SENP2: variants seen among roughly 807,000 people sequenced by gnomAD.
The protein encoded by SENP2 is SUMO specific peptidase 2.
A neutral mutation model predicts 86.3 loss-of-function variants in SENP2; 16 were observed. The ratio of observed to expected loss-of-function variants is 0.19; its 90% CI spans 0.13 to 0.28. The LOEUF is 0.28. Ranked by LOEUF, SENP2 falls within the 10% of genes least tolerant of loss-of-function variation. The pLI is 1.00. For synonymous variants in SENP2, 222 were observed against 238.7 expected, an observed-to-expected ratio of 0.93 and a Z score of 0.64; for missense variants, 552 against 703.0, an observed-to-expected ratio of 0.79 and a Z score of 2.43.
chr3:185,586,556 C>T lies in SENP2; in HGVS notation c.101+42C>T. On this transcript the variant is annotated intron_variant, in intron 1 of 16. Transcript: ENST00000296257. This position sits in a 1 kb window ranked among gnomAD's most constrained non-coding sequence, Gnocchi z 4.3. ...CTGAGCGCCAGCCTGGCCTTACCCC[C>T]TCCCCCACAGCGGGCTCCTCGGCCG... 2 of 1,567,562 alleles carry T rather than the reference C, an allele frequency of 1.3e-6. No homozygotes were observed. The highest frequency in any genetic ancestry group is 1.3e-5 in the African/African-American group (1 of 74,224).
At chr3:185,626,645 T>C (rs1016357020) in intron 16 of SENP2, among the ~76,000 whole-genome samples, 1 of 151,482 alleles carries the variant, frequency 6.6e-6, no homozygotes, top group Admixed American at 6.6e-5. Context: ...TGGTGGTGCA[T>C]GCCTATAATC....
chr3:185,629,564 A>G lies in SENP2; in HGVS notation c.1708-218A>G, dbSNP rs1309388821. ...GCACTCCAGCCTGGGTGACACAGCA[A>G]GACTCCATCTCAAAAAAAAAAAAAA... On this transcript the variant is annotated intron_variant, in intron 16 of 16. Coordinates refer to ENST00000296257, the MANE Select transcript of SENP2 (RefSeq NM_021627.3). Among the ~76,000 whole-genome samples, 4 of 148,646 alleles carry G rather than the reference A, an allele frequency of 2.7e-5. No individual in the cohort carries two copies. In the Admixed American group the frequency reaches 2.7e-4, roughly 10 times the overall value.
chr3:185,589,755 A>G (rs899385281), intron 1 of SENP2, among the ~76,000 whole-genome samples: 2 of 152,142 alleles, frequency 1.3e-5, no homozygotes, highest in Non-Finnish European at 2.9e-5. Flanking sequence ...CTGCAGCCTT[A>G]CTTCCTGGGC....
At chr3:185,591,379 T>C (rs977198856) in intron 2 of SENP2, among the ~76,000 whole-genome samples, 3 of 151,882 alleles carry the variant, frequency 2.0e-5, no homozygotes, top group Non-Finnish European at 2.9e-5. Context: ...TGAGATGGAG[T>C]CTCGCTCTGT....
chr3:185,607,570 TC>T (rs1722559268), intron 6 of SENP2, among the ~76,000 whole-genome samples: 1 of 152,186 alleles, frequency 6.6e-6, no homozygotes, highest in African/African-American at 2.4e-5. Context: ...CCTCAGGTGA[TC>T]CACCTACCTC....
At chr3:185,625,469 T>A (rs1260779332) in intron 15 of SENP2, among the ~76,000 whole-genome samples, 3 of 152,084 alleles carry the variant, frequency 2.0e-5, no homozygotes, top group African/African-American at 7.2e-5. Flanking sequence ...AATTGAGCTA[T>A]TGTCATCTAG....
At chr3:185,606,309 C>T (rs1339433184) in intron 5 of SENP2, 21 bp from the exon 6 acceptor site, 3 of 1,541,744 alleles carry the variant, frequency 1.9e-6, no homozygotes, top group East Asian at 2.3e-5. Flanking sequence ...TACTTTTTTT[C>T]TTTTTTTTTC....
chr3:185,617,409 C>G (rs1229115169), intron 11 of SENP2, 71 bp from the exon 12 acceptor site: 11 of 1,387,404 alleles, frequency 7.9e-6, no homozygotes, highest in Non-Finnish European at 1.1e-5. Context: ...TTTTTTCAGT[C>G]TCGGAGTTTT....
Position 185,631,991 on chromosome 3 carries a change from A to G in SENP2, c.*2147A>G, listed in dbSNP as rs953208440. 1 of 151,902 alleles carries G rather than the reference A, an allele frequency of 6.6e-6. No individual in the cohort carries two copies. Among genetic ancestry groups the G allele is most frequent in the East Asian group, 2.0e-4 (1 of 5,046 alleles). 9.4% of individuals were successfully genotyped at this position (151,902 alleles called of 1,614,324 possible). ...TGGGAAGAGCAGAGTGTTGAAGTCT[A>G]TAGCATGGCCTTCTGCTTGACCCTG... On this transcript the variant is annotated 3_prime_UTR_variant, in exon 17 of 17. Coordinates refer to ENST00000296257, the MANE Select transcript of SENP2 (RefSeq NM_021627.3).
chr3:185,621,044 C>T (rs893171248), intron 13 of SENP2, among the ~76,000 whole-genome samples: 1 of 149,592 alleles, frequency 6.7e-6, no homozygotes, highest in Non-Finnish European at 1.5e-5. Context: ...TGGTGGTGCA[C>T]ACCTGTGAGA....
intron 2 of SENP2, among the ~76,000 whole-genome samples, chr3:185,598,172 G>A (rs1282491378): frequency 6.6e-6 from 1 of 151,158 alleles, no homozygotes; most frequent in African/African-American, 2.4e-5. Flanking sequence ...GATACCATCC[G>A]CAGCTAATTT....
chr3:185,588,570 A>G (rs768110343), intron 1 of SENP2, among the ~76,000 whole-genome samples: 3 of 152,210 alleles, frequency 2.0e-5, no homozygotes, highest in Non-Finnish European at 2.9e-5. Flanking sequence ...TGAGAGAACA[A>G]GATGTCTAAT....
chr3:185,618,814 G>C (rs1339549538), intron 12 of SENP2, among the ~76,000 whole-genome samples: 2 of 152,184 alleles, frequency 1.3e-5, no homozygotes, highest in Non-Finnish European at 2.9e-5. Context: ...GGGAGGCAGA[G>C]CTTGCAGTGA....
chr3:185,625,050 T>C (rs551992805), intron 15 of SENP2, among the ~76,000 whole-genome samples: 4 of 152,216 alleles, frequency 2.6e-5, no homozygotes, highest in South Asian at 4.2e-4. Context: ...CTGTGAGAGA[T>C]GCTAGGCTTG....
intron 14 of SENP2, 150 bp from the exon 15 acceptor site, chr3:185,623,848 A>AAAAAAAAAAAAAAAAAC: frequency 2.3e-6 from 1 of 441,638 alleles, no homozygotes; most frequent in South Asian, 5.2e-5. Context: ...AAAAAAAAAA[A>AAAAAAAAAAAAAAAAAC]AATCCAGAAA....
intron 16 of SENP2, among the ~76,000 whole-genome samples, chr3:185,626,731 C>T (rs923646834): frequency 6.6e-6 from 1 of 151,420 alleles, no homozygotes; most frequent in African/African-American, 2.4e-5. Flanking sequence ...CGAGGTCGCA[C>T]CAGTGCACTC....
intron 13 of SENP2, 47 bp from the exon 14 acceptor site, chr3:185,621,776 ACTC>A (rs747057774): frequency 1.8e-6 from 2 of 1,087,494 alleles, no homozygotes; most frequent in South Asian, 1.4e-5. Context: ...TAAAATTCTC[ACTC>A]CTCTTACATT....
rs1441379196 is a variant in SENP2 at position 185,630,610 on chromosome 3, TC to T, written c.*770del. On this transcript the variant is annotated 3_prime_UTR_variant, in exon 17 of 17. Transcript: ENST00000296257. Reference sequence around the variant, plus strand: ...GTGTTGTGGTCACCTTAAAGAGACTTCCCCTTCTGGAAATGTGGTGACTTGG... The same window carrying T: ...GTGTTGTGGTCACCTTAAAGAGACTTCCCTTCTGGAAATGTGGTGACTTGG... The T allele has an allele frequency of 6.6e-6, 1 of 152,600 alleles. No homozygotes were observed. Among genetic ancestry groups the T allele is most frequent in the Non-Finnish European group, 1.5e-5 (1 of 68,042 alleles). 9.5% of individuals were successfully genotyped at this position (152,600 alleles called of 1,614,324 possible). A position where few individuals can be genotyped will look rare whatever the true frequency, so the allele number is the denominator to read the frequency against.
chr3:185,611,556 C>G, intron 7 of SENP2, 95 bp from the exon 8 acceptor site: 1 of 703,620 alleles, frequency 1.4e-6, no homozygotes, highest in Non-Finnish European at 2.5e-6. Context: ...TAATCAATCA[C>G]CCCTATTTGG....
Sources: allele counts gnomAD v4.1 joint callset (sites outside exome capture counted in the v4.1 genomes callset), GRCh38; gene constraint gnomAD v4.1.1; non-coding constraint Gnocchi (gnomAD v3.1); transcripts MANE v1.5; gene names NCBI Gene and HGNC (gene_info 2026-07-23, HGNC 2026-07-21).